The following KLC2 variants were observed in gnomAD, a reference collection of about 807,000 sequenced individuals.
The protein encoded by KLC2 is KLC 2.
In KLC2, 35 loss-of-function variants were observed where a neutral mutation model predicts 75.1. The ratio of observed to expected loss-of-function variants is 0.47; its 90% CI spans 0.36 to 0.62. KLC2 has a LOEUF of 0.62. KLC2 is among the 20% of genes least tolerant of loss of function. The pLI is 0.00. For missense variants in KLC2, 611 were observed against 833.2 expected (o/e 0.73, Z 3.28); for synonymous variants, 314 against 336.7 (o/e 0.93, Z 0.74).
chr11:66,260,453 A>G (rs1856314231), intron 2 of KLC2, among the ~76,000 whole-genome samples: 1 of 152,238 alleles, frequency 6.6e-6, no homozygotes, highest in African/African-American at 2.4e-5. Flanking sequence ...ACACAACTGC[A>G]GAAATGATCC....
chr11:66,247,998 G>A, the KLC2 span, among the ~76,000 whole-genome samples: 7 of 152,160 alleles, frequency 4.6e-5, no homozygotes, highest in African/African-American at 1.7e-4. Context: ...TCAGGTGGAA[G>A]GTGCTGACTC....
At position 66,265,653 on chromosome 11, in the gene KLC2, A is replaced by T; in HGVS notation, c.1335-2A>T. ...TGGAGTTTGAGACTGTCCCATCCAC[A>T]GCCCCACAGTCAACACCACCCTGCG... On this transcript the variant is annotated splice_acceptor_variant, in intron 11 of 15. Transcript: ENST00000394067. LOFTEE classifies it high-confidence loss of function. The T allele has an allele frequency of 6.2e-7, 1 of 1,610,520 alleles. No homozygotes were observed. The highest frequency in any genetic ancestry group is 8.5e-7 in the Non-Finnish European group (1 of 1,177,874).
chr11:66,262,768 C>G (rs1359229255), intron 4 of KLC2, 46 bp from the exon 5 acceptor site: 1 of 1,429,100 alleles, frequency 7.0e-7, no homozygotes, highest in Admixed American at 1.7e-5. Context: ...CCATCCCAGT[C>G]CAGTGGGCAG....
At chr11:66,261,178 G>A (rs1265441783) in intron 2 of KLC2, 2 of 152,564 alleles carry the variant, frequency 1.3e-5, no homozygotes, top group Admixed American at 6.5e-5. Flanking sequence ...AGGGGTGGGG[G>A]TTGAGGCCAA....
intron 2 of KLC2, 37 bp from the exon 3 acceptor site, chr11:66,261,705 G>C (rs779810354): frequency 1.4e-6 from 2 of 1,452,392 alleles, no homozygotes; most frequent in Admixed American, 1.7e-5. Flanking sequence ...CGAGGGGGTC[G>C]ACAGGCCTCC....
At chr11:66,258,414 T>G (rs2134791577) in intron 1 of KLC2, 170 bp from the exon 2 acceptor site, 1 of 595,774 alleles carries the variant, frequency 1.7e-6, no homozygotes, top group Admixed American at 3.0e-5. Flanking sequence ...CTAGACAAGC[T>G]AGGCGCGCCC....
rs1015792651 is a variant in KLC2, at chr11:66,267,063, T to C, written c.*107T>C. ...TCCCGCCTGTCTCTCCCACAGCCCC[T>C]GTCTTTTCTGTTCAATCTCAGGGTA... On this transcript the variant is annotated 3_prime_UTR_variant, in exon 16 of 16. Coordinates refer to ENST00000394067, the MANE Select transcript of KLC2 (RefSeq NM_001318734.2). 98 of 1,565,866 alleles carry C rather than the reference T, an allele frequency of 6.3e-5. No homozygotes were observed. Among genetic ancestry groups the C allele is most frequent in the South Asian group, 9.3e-5 (8 of 86,294 alleles).
In KLC2 at chr11:66,258,760, G is replaced by A. The variant is rs769569936; in HGVS notation, c.166G>A (p.Glu56Lys). 36 of 1,613,450 alleles carry A rather than the reference G, an allele frequency of 2.2e-5. No homozygotes were observed. The highest frequency in any genetic ancestry group is 2.9e-5 in the Non-Finnish European group (34 of 1,180,014). ...EAGEAEPGSQ[E>K]RCILLRRSLE... is the part of the protein sequence containing the mutation. ...CGGCGAAGCCGAGCCTGGCTCGCAG[G>A]AGCGCTGCATCCTCCTGCGTCGCTC... The change falls in exon 2 of 16, where the codon GAG becomes AAG. Residue 56 changes from glutamate to lysine, a missense_variant. Transcript: ENST00000394067.
intron 4 of KLC2, 80 bp downstream of exon 4, chr11:66,262,272 T>A: frequency 9.0e-7 from 1 of 1,109,716 alleles, no homozygotes; most frequent in Non-Finnish European, 1.4e-6. Flanking sequence ...GCTGCCATGT[T>A]CCTTCCTGCC....
chr11:66,252,761 C>G (rs914648385), upstream of KLC2, among the ~76,000 whole-genome samples: 1 of 152,132 alleles, frequency 6.6e-6, no homozygotes, highest in Non-Finnish European at 1.5e-5. Flanking sequence ...AGGGCAGGAC[C>G]GGTCTACCCT....
chr11:66,248,134 A>C, the KLC2 span, among the ~76,000 whole-genome samples: 5 of 152,326 alleles, frequency 3.3e-5, no homozygotes, highest in South Asian at 8.3e-4. Context: ...TCTAACCTGC[A>C]CGCCAACTCC....
rs1590878394 is a variant in KLC2, at chr11:66,267,120, T to G, written c.*164T>G. ...TCCCTTGTCATCTCAGCCTGAGCCC[T>G]GGAGGCTGGGCCTGCCCACTCCAGC... On this transcript the variant is annotated 3_prime_UTR_variant, in exon 16 of 16. Coordinates refer to ENST00000394067, the MANE Select transcript of KLC2 (RefSeq NM_001318734.2). 8 of 1,530,344 alleles carry G rather than the reference T, an allele frequency of 5.2e-6. No individual in the cohort carries two copies. The highest frequency in any genetic ancestry group is 1.8e-4 in the Middle Eastern group (1 of 5,458). The allele number at this position is 1,530,344 out of a possible 1,614,324, so 94.8% of individuals were successfully genotyped here. A position where few individuals can be genotyped will look rare whatever the true frequency, so the allele number is the denominator to read the frequency against.
intron 2 of KLC2, among the ~76,000 whole-genome samples, chr11:66,260,153 A>G (rs1209358164): frequency 6.7e-6 from 1 of 149,336 alleles, no homozygotes; most frequent in Non-Finnish European, 1.5e-5. Flanking sequence ...GTACACTTCC[A>G]GGCTGTTGGG....
Position 66,265,079 on chromosome 11 carries a change from C to T in KLC2, c.1266+7C>T, listed in dbSNP as rs1284479081. On this transcript the variant is annotated splice_region_variant and intron_variant, in intron 10 of 15. Transcript: ENST00000394067. ...GGAGCGGGAGGAAAGCAAGGTAGCT[C>T]TGTGGGGCAGGCTGGGCGGTTGTCA... 1.2e-6 allele frequency: 2 copies of T among 1,610,902 alleles called. No homozygotes were observed. Among genetic ancestry groups the T allele is most frequent in the African/African-American group, 1.3e-5 (1 of 75,014 alleles).
rs1856885561 is a variant in KLC2 at position 66,267,061 on chromosome 11, C to T, written c.*105C>T. The T allele has an allele frequency of 1.3e-6, 2 of 1,570,272 alleles. No individual in the cohort carries two copies. The highest frequency in any genetic ancestry group is 1.7e-6 in the Non-Finnish European group (2 of 1,159,350). On this transcript the variant is annotated 3_prime_UTR_variant, in exon 16 of 16. Coordinates refer to ENST00000394067, the MANE Select transcript of KLC2 (RefSeq NM_001318734.2). Reference sequence around the variant, plus strand: ...TGTCCCGCCTGTCTCTCCCACAGCCCCTGTCTTTTCTGTTCAATCTCAGGG... The same window carrying T: ...TGTCCCGCCTGTCTCTCCCACAGCCTCTGTCTTTTCTGTTCAATCTCAGGG...
In KLC2 at chr11:66,258,650, T is replaced by G. The variant is rs1170680713; in HGVS notation, c.56T>G (p.Leu19Arg). The change falls in exon 2 of 16, where the codon CTG (leucine) becomes CGG (arginine). Residue 19 changes from leucine (L) to arginine (R), a missense_variant. Transcript: ENST00000394067. Reference sequence around the variant, plus strand: ...AAGCTGAGCCAGGATGAGATCGTGCTGGGCACCAAGGCTGTCATCCAGGGA... The same window carrying G: ...AAGCTGAGCCAGGATGAGATCGTGCGGGGCACCAAGGCTGTCATCCAGGGA... ...EEKLSQDEIV[L>R]GTKAVIQGLE... The G allele has an allele frequency of 6.2e-7, 1 of 1,614,068 alleles. No homozygotes were observed. The highest frequency in any genetic ancestry group is 8.5e-7 in the Non-Finnish European group (1 of 1,179,990).
chr11:66,266,229 A>G lies in KLC2; in HGVS notation c.1727+12A>G. ...CCCCCTAACCCCAGGTGAGCCCCCC[A>G]CCAAGGTGAGCCTCAAGAACCACCC... is the stretch of plus-strand genomic sequence containing the variant. On this transcript the variant is annotated intron_variant, in intron 14 of 15. Transcript: ENST00000394067. 6.3e-7 allele frequency: 1 copy of G among 1,590,632 alleles called. No homozygotes were observed.
Position 66,264,230 on chromosome 11 carries a change from G to A in KLC2, c.1116+11G>A. 7 of 1,568,018 alleles carry A rather than the reference G, an allele frequency of 4.5e-6. No individual in the cohort carries two copies. Among genetic ancestry groups the A allele is most frequent in the Non-Finnish European group, 6.1e-6 (7 of 1,155,346 alleles). On this transcript the variant is annotated intron_variant, in intron 8 of 15. Transcript: ENST00000394067. ...ACCAAGAACAACCTGGTACCTTGGG[G>A]CTGAGAGGAGCTGGAGGATGGGAAG...
intron 14 of KLC2, 64 bp from the exon 15 acceptor site, chr11:66,266,369 C>T: frequency 7.8e-7 from 1 of 1,288,510 alleles, no homozygotes; most frequent in South Asian, 1.3e-5. Context: ...CCCCACCCTT[C>T]TCCCTGCCCC....
Sources: allele counts gnomAD v4.1 joint callset (sites outside exome capture counted in the v4.1 genomes callset), GRCh38; gene constraint gnomAD v4.1.1; transcripts MANE v1.5; gene names NCBI Gene and HGNC (gene_info 2026-07-23, HGNC 2026-07-21).